SAMD3: variants seen among roughly 807,000 people sequenced by gnomAD.
SAMD3 encodes sterile alpha motif domain-containing protein 3.
In SAMD3, 63 loss-of-function variants were observed where a neutral mutation model predicts 58.5. The ratio of observed to expected loss-of-function variants is 1.08; its 90% CI spans 0.88 to 1.33. SAMD3 has a LOEUF of 1.33. Among genes scored for constraint, SAMD3 ranks in the 40% most tolerant of loss-of-function variants. The probability of loss-of-function intolerance (pLI) is 0.00; values close to 1 mark genes in which losing one functional copy is unlikely to be tolerated. For synonymous variants in SAMD3, 220 were observed against 210.3 expected, an observed-to-expected ratio of 1.05 and a Z score of -0.40; for missense variants, 604 against 608.4, an observed-to-expected ratio of 0.99 and a Z score of 0.08.
At chr6:130,167,736 A>T (rs1465335972) in intron 8 of SAMD3, among the ~76,000 whole-genome samples, 1 of 152,244 alleles carries the variant, frequency 6.6e-6, no homozygotes, top group Admixed American at 6.5e-5. Flanking sequence ...ATAAGAAGCG[A>T]TGGCACAGCT....
At position 130,194,873 on chromosome 6, in the gene SAMD3, C is replaced by T. The variant is rs895896976; in HGVS notation, c.384-10250G>A. ...GGACCATCACAGATGCTCTAGGTAA[C>T]TCTCACAGTGGAGGGTAAGTCTGTC... On this transcript the variant is annotated intron_variant, in intron 5 of 11. Transcript: ENST00000439090. Among the ~76,000 whole-genome samples, 6 of 152,274 alleles carry T rather than the reference C, an allele frequency of 3.9e-5. No homozygotes were observed. In the East Asian group the frequency reaches 7.7e-4, roughly 20 times the overall value.
intron 2 of SAMD3, among the ~76,000 whole-genome samples, chr6:130,266,255 T>C (rs2114929868): frequency 6.6e-6 from 1 of 152,322 alleles, no homozygotes. Flanking sequence ...ACAAGAAATT[T>C]GTTTTTGCAA....
At chr6:130,221,087 C>T (rs1399834093) in intron 1 of SAMD3, among the ~76,000 whole-genome samples, 1 of 152,074 alleles carries the variant, frequency 6.6e-6, no homozygotes, top group Non-Finnish European at 1.5e-5. Flanking sequence ...ATCTCCTGAC[C>T]TTGTGATCTG....
chr6:130,204,231 T>C (rs1401731138), intron 5 of SAMD3, among the ~76,000 whole-genome samples: 1 of 152,160 alleles, frequency 6.6e-6, no homozygotes, highest in Admixed American at 6.5e-5. Flanking sequence ...CATGCCTTAT[T>C]AGCTACTAAA....
At chr6:130,306,236 T>C (rs1229332964) in intron 2 of SAMD3, among the ~76,000 whole-genome samples, 1 of 152,208 alleles carries the variant, frequency 6.6e-6, no homozygotes, top group Non-Finnish European at 1.5e-5. Context: ...AGCACTAAAT[T>C]AATCACTGTC....
intron 7 of SAMD3, chr6:130,183,486 C>T (rs1792605477): frequency 4.8e-6 from 2 of 417,398 alleles, no homozygotes; most frequent in Non-Finnish European, 9.3e-6. Flanking sequence ...TCCACTGGGT[C>T]TGAGAAGGCA....
chr6:130,178,710 C>T (rs1185864174), intron 7 of SAMD3, among the ~76,000 whole-genome samples: 2 of 152,190 alleles, frequency 1.3e-5, no homozygotes, highest in Admixed American at 6.5e-5. Flanking sequence ...AACTATAAAA[C>T]GGAACAATAA....
chr6:130,183,682 A>G (rs1015052187), intron 7 of SAMD3, among the ~76,000 whole-genome samples: 1 of 152,202 alleles, frequency 6.6e-6, no homozygotes, highest in Non-Finnish European at 1.5e-5. Context: ...CCTCAGCCCT[A>G]GGCAACTCCT....
chr6:130,246,464 G>C (rs1325279213), intron 2 of SAMD3, among the ~76,000 whole-genome samples: 1 of 150,666 alleles, frequency 6.6e-6, no homozygotes, highest in African/African-American at 2.4e-5. Context: ...AAGAAAAACT[G>C]ATTATAAGCT....
chr6:130,315,145 G>C (rs1776318604), intron 1 of SAMD3, among the ~76,000 whole-genome samples: 1 of 152,064 alleles, frequency 6.6e-6, no homozygotes, highest in African/African-American at 2.4e-5. Context: ...ATATTGGCAT[G>C]TTGTGTAACC....
At chr6:130,262,827 TAATTG>T (rs1774191566) in intron 2 of SAMD3, among the ~76,000 whole-genome samples, 1 of 152,174 alleles carries the variant, frequency 6.6e-6, no homozygotes, top group African/African-American at 2.4e-5. Context: ...TTCAAAATGT[TAATTG>T]AAAAAAAATT....
intron 9 of SAMD3, among the ~76,000 whole-genome samples, chr6:130,149,960 C>T (rs1788994151): frequency 6.6e-6 from 1 of 152,184 alleles, no homozygotes; most frequent in East Asian, 1.9e-4. Context: ...GTTACTCAGA[C>T]TGGATAATTT....
chr6:130,291,555 T>C (rs1775363335), intron 2 of SAMD3, among the ~76,000 whole-genome samples: 1 of 152,208 alleles, frequency 6.6e-6, no homozygotes, highest in Non-Finnish European at 1.5e-5. Context: ...ATTATTAATA[T>C]CATGTGAAGT....
intron 1 of SAMD3, among the ~76,000 whole-genome samples, chr6:130,317,858 G>A (rs993314124): frequency 6.6e-6 from 1 of 152,230 alleles, no homozygotes; most frequent in Non-Finnish European, 1.5e-5. Context: ...TATTCAGGCT[G>A]CAGGCCTATA....
chr6:130,292,263 C>CTTTTTT (rs1412339110), intron 2 of SAMD3, among the ~76,000 whole-genome samples: 7 of 125,826 alleles, frequency 5.6e-5, no homozygotes, highest in Admixed American at 8.5e-5. Context: ...CTTTTTTTTT[C>CTTTTTT]TTTCTTTCTT....
At chr6:130,348,598 A>G (rs1777540565) in intron 1 of SAMD3, among the ~76,000 whole-genome samples, 2 of 152,156 alleles carry the variant, frequency 1.3e-5, no homozygotes, top group African/African-American at 4.8e-5. Context: ...GAGACCTACA[A>G]AGAGACTTAG....
At chr6:130,334,287 C>A (rs1777036011) in intron 1 of SAMD3, among the ~76,000 whole-genome samples, 1 of 152,002 alleles carries the variant, frequency 6.6e-6, no homozygotes, top group Non-Finnish European at 1.5e-5. Flanking sequence ...AGTGGAAGAT[C>A]TTGCAACACT....
intron 2 of SAMD3, among the ~76,000 whole-genome samples, chr6:130,302,237 A>G (rs1407795414): frequency 1.3e-5 from 2 of 152,218 alleles, no homozygotes; most frequent in African/African-American, 4.8e-5. Flanking sequence ...TATGGAACTT[A>G]AACAAATAGC....
intron 2 of SAMD3, among the ~76,000 whole-genome samples, chr6:130,305,043 T>C (rs34738927): frequency 3.3e-5 from 5 of 151,034 alleles, no homozygotes; most frequent in African/African-American, 1.2e-4. Flanking sequence ...CAAGTGATTG[T>C]CATGCCTCAG....
Sources: gnomAD v4.1 joint callset for allele counts (sites outside exome capture counted in the v4.1 genomes callset) on GRCh38, gnomAD v4.1.1 for gene constraint, MANE v1.5 for transcripts, NCBI Gene and HGNC (gene_info 2026-07-23, HGNC 2026-07-21) for gene names.